The following TCP11L2 variants were observed in gnomAD, a reference collection of about 807,000 sequenced individuals.
TCP11L2 encodes T-complex protein 11-like protein 2.
A neutral mutation model predicts 50.7 loss-of-function variants in TCP11L2; 39 were observed. The observed-to-expected ratio is 0.77, with a 90% confidence interval of 0.60 to 1.01. The LOEUF is 1.01. Among genes scored for constraint, TCP11L2 ranks in the 50% least tolerant of loss-of-function variants. The pLI is 0.00. For missense variants in TCP11L2, 612 were observed against 614.7 expected (o/e 1.00, Z 0.05); for synonymous variants, 192 against 219.3 (o/e 0.88, Z 1.10).
chr12:106,334,328 T>C (rs1040839698), intron 6 of TCP11L2, among the ~76,000 whole-genome samples: 7 of 152,208 alleles, frequency 4.6e-5, no homozygotes, highest in African/African-American at 1.4e-4. Context: ...GAAGGATTTA[T>C]TTCAGAACCT....
chr12:106,298,422 C>T (rs1390235744), upstream of TCP11L2, among the ~76,000 whole-genome samples: 2 of 152,120 alleles, frequency 1.3e-5, no homozygotes, highest in African/African-American at 4.8e-5. Context: ...TGTATTTTCC[C>T]CCTCACTGAT....
intron 5 of TCP11L2, among the ~76,000 whole-genome samples, chr12:106,322,605 G>A (rs2035378866): frequency 2.0e-5 from 3 of 152,190 alleles, no homozygotes; most frequent in African/African-American, 7.2e-5. Context: ...GAGGGAAGAA[G>A]AGTCTGCAAC....
chr12:106,321,418 A>G (rs1198799963), intron 4 of TCP11L2, 68 bp from the exon 5 acceptor site: 3 of 1,367,426 alleles, frequency 2.2e-6, no homozygotes, highest in Admixed American at 2.0e-5. Flanking sequence ...TCATCTAGAC[A>G]CTGAGGTGAA....
At chr12:106,339,394 A>G (rs2036021987) in intron 8 of TCP11L2, among the ~76,000 whole-genome samples, 1 of 152,140 alleles carries the variant, frequency 6.6e-6, no homozygotes, top group Non-Finnish European at 1.5e-5. Flanking sequence ...TGTTGAATGC[A>G]TAGTTTGCAA....
chr12:106,335,918 A>G (rs2035902159), intron 7 of TCP11L2, 92 bp downstream of exon 7: 3 of 1,515,934 alleles, frequency 2.0e-6, no homozygotes, highest in South Asian at 1.3e-5. Context: ...ATGTGGTTTA[A>G]TGACTTTACA....
chr12:106,338,346 TCTGTTGTTCCC>T (rs75968597), intron 8 of TCP11L2, among the ~76,000 whole-genome samples: 47,178 of 151,962 alleles, frequency 0.31, 7,623 homozygotes, highest in Middle Eastern at 0.35. Flanking sequence ...GGAGCCAGTA[TCTGTTGTTCCC>T]CTTTATGTCC....
chr12:106,301,666 T>C (rs942044710), upstream of TCP11L2, among the ~76,000 whole-genome samples: 9 of 152,358 alleles, frequency 5.9e-5, no homozygotes, highest in African/African-American at 1.9e-4. Context: ...ACAAACTTCA[T>C]GTAAGTAGTT....
At chr12:106,340,092 C>T (rs767255881) in intron 8 of TCP11L2, among the ~76,000 whole-genome samples, 6 of 152,324 alleles carry the variant, frequency 3.9e-5, no homozygotes, top group South Asian at 2.1e-4. Flanking sequence ...GCCCTTCTCT[C>T]ATCCTTTAAT....
In TCP11L2 at chr12:106,335,951, T is replaced by G. The variant is rs189936005; in HGVS notation, c.961-81T>G. ...ACAAAAATCAGATAAAAATGGGAAT[T>G]TGGAAATGACATTGCCTGTTTTGTA... On this transcript the variant is annotated intron_variant, in intron 7 of 9. Transcript: ENST00000299045. 2.7e-5 allele frequency: 40 copies of G among 1,498,096 alleles called. No individual in the cohort carries two copies. In the African/African-American group the frequency reaches 5.0e-4, roughly 19 times the overall value. 92.8% of individuals were successfully genotyped at this position (1,498,096 alleles called of 1,614,324 possible). A position where few individuals can be genotyped will look rare whatever the true frequency, so the allele number is the denominator to read the frequency against.
chr12:106,299,542 C>G (rs761105706), upstream of TCP11L2, among the ~76,000 whole-genome samples: 10 of 152,138 alleles, frequency 6.6e-5, no homozygotes, highest in Admixed American at 1.3e-4. Flanking sequence ...TGTATTAAAC[C>G]AAGCACAGGG....
chr12:106,341,112 A>AT (rs2036083115), intron 9 of TCP11L2, 114 bp downstream of exon 9: 2 of 833,808 alleles, frequency 2.4e-6, no homozygotes, highest in Non-Finnish European at 3.8e-6. Context: ...CTTTTGGAGG[A>AT]TAAATATTGA....
At chr12:106,336,772 C>T (rs184549865) in intron 8 of TCP11L2, among the ~76,000 whole-genome samples, 12 of 152,142 alleles carry the variant, frequency 7.9e-5, no homozygotes, top group Middle Eastern at 3.4e-3. Context: ...AGGATGGTCT[C>T]GATCTCTTGA....
chr12:106,331,129 C>T (rs1235586300), intron 6 of TCP11L2, among the ~76,000 whole-genome samples: 1 of 152,210 alleles, frequency 6.6e-6, no homozygotes, highest in Non-Finnish European at 1.5e-5. Context: ...TCCTTCCTCA[C>T]TGCTTCCTTC....
At chr12:106,334,235 G>C (rs886833083) in intron 6 of TCP11L2, among the ~76,000 whole-genome samples, 1 of 152,176 alleles carries the variant, frequency 6.6e-6, no homozygotes, top group African/African-American at 2.4e-5. Flanking sequence ...AGAGATGTCT[G>C]TATTACAGAG....
In TCP11L2 at chr12:106,343,763, ACTT is replaced by A. The variant is rs1239057683; in HGVS notation, c.1316-2520_1316-2518del. 5.3e-5 allele frequency among the ~76,000 whole-genome samples: 8 copies of A among 151,202 alleles called. No homozygotes were observed. The South Asian group carries it at 1.7e-3, about 32-fold the overall frequency. On this transcript the variant is annotated intron_variant, in intron 9 of 9. Coordinates refer to ENST00000299045, the MANE Select transcript of TCP11L2 (RefSeq NM_152772.3). ...TCTGCCTCCTGGGTTCAAGAAGAAT[ACTT>A]CTGCCCCAGCCTCCCTAGTAGCTGG...
At chr12:106,334,864 A>G (rs60839334) in intron 6 of TCP11L2, among the ~76,000 whole-genome samples, 54,392 of 151,762 alleles carry the variant, frequency 0.36, 10,249 homozygotes, top group African/African-American at 0.45. Context: ...TCGCTTGAAC[A>G]TGGGAGGTGG....
At chr12:106,320,114 AT>A (rs1291634236) in intron 4 of TCP11L2, among the ~76,000 whole-genome samples, 1 of 152,204 alleles carries the variant, frequency 6.6e-6, no homozygotes, top group African/African-American at 2.4e-5. Flanking sequence ...AAAAAGATAG[AT>A]TCCAGCTGGG....
chr12:106,314,435 C>G lies in TCP11L2; in HGVS notation c.235C>G (p.His79Asp). 1 of 1,613,794 alleles carries G rather than the reference C, an allele frequency of 6.2e-7. No individual in the cohort carries two copies. Among genetic ancestry groups the G allele is most frequent in the South Asian group, 1.1e-5 (1 of 91,080 alleles). ...GAACTTATCAAACTTGACTCTTGCTCATGAGATTGCTGTAAATGAGAACTT... is the reference window on the plus strand; with the variant it reads ...GAACTTATCAAACTTGACTCTTGCTGATGAGATTGCTGTAAATGAGAACTT... Reference protein sequence around the residue: ...ARNLSNLTLAHEIAVNENFQL... With the variant: ...ARNLSNLTLADEIAVNENFQL... The change falls in exon 3 of 10, where the codon CAT becomes GAT. Residue 79 changes from histidine to aspartate, a missense_variant. Transcript: ENST00000299045.
chr12:106,306,915 T>G (rs561537664), intron 1 of TCP11L2, among the ~76,000 whole-genome samples: 36 of 152,304 alleles, frequency 2.4e-4, no homozygotes, highest in African/African-American at 8.7e-4. Context: ...TGTATTATCA[T>G]CAGTGTATCT....
Sources: gnomAD v4.1 joint callset for allele counts (sites outside exome capture counted in the v4.1 genomes callset) on GRCh38, gnomAD v4.1.1 for gene constraint, MANE v1.5 for transcripts, NCBI Gene and HGNC (gene_info 2026-07-23, HGNC 2026-07-21) for gene names.